Variants in LEMD3 observed in about 807,000 individuals in gnomAD.
The protein encoded by LEMD3 is LEM domain containing 3.
Under a neutral mutation model 95.2 loss-of-function variants are expected in LEMD3, and 33 were observed. The observed-to-expected ratio is 0.35, with a 90% CI of 0.26 to 0.46. LEMD3 has a LOEUF of 0.46. Among genes scored for constraint, LEMD3 ranks in the 20% least tolerant of loss-of-function variants. The pLI is 1.00. For missense variants in LEMD3, 1,210 were observed against 1,192.8 expected (o/e 1.01, Z -0.21); for synonymous variants, 525 against 474.6 (o/e 1.11, Z -1.38).
At chr12:65,239,835 G>A in intron 6 of LEMD3, 94 bp from the exon 7 acceptor site, 1 of 827,498 alleles carries the variant, frequency 1.2e-6, no homozygotes, top group East Asian at 2.7e-5. Context: ...TGTCTTGAAG[G>A]TTCATTCCGT....
At chr12:65,186,183 A>C (rs1224243986) in intron 1 of LEMD3, among the ~76,000 whole-genome samples, 1 of 152,078 alleles carries the variant, frequency 6.6e-6, no homozygotes, top group Admixed American at 6.6e-5. Context: ...CTAAGTCATA[A>C]ACTTTGGAGC....
chr12:65,238,516 A>G lies in LEMD3; in HGVS notation c.1710A>G (p.Glu570=). The change falls in exon 5 of 13, where the codon GAA becomes GAG. Residue 570 remains glutamate, a synonymous_variant. Transcript: ENST00000308330. ...AAAYLKDLGP[E]YEGIFNTSLQ... The stretch of plus-strand genomic sequence containing the variant: ...TTTCTTGTTAGGATTTAGGTCCTGA[A>G]TATGAAGGTATATTTAACACTTCAT... The G allele has an allele frequency of 6.2e-7, 1 of 1,600,272 alleles. No homozygotes were observed. The highest frequency in any genetic ancestry group is 2.2e-5 in the East Asian group (1 of 44,768).
chr12:65,170,100 C>T lies in LEMD3; in HGVS notation c.504C>T (p.Arg168=). 1.4e-6 allele frequency: 2 copies of T among 1,468,340 alleles called. No individual in the cohort carries two copies. The allele number at this position is 1,468,340 out of a possible 1,614,324, so 91.0% of individuals were successfully genotyped here. ...AAGACCGGGCTTCGCTCCAGTACCG[C>T]GGGCTCAAAGCGCCGCCGGCGCCCC... ...GRKDRASLQY[R]GLKAPPAPLA... The change falls in exon 1 of 13, where the codon CGC becomes CGT. Residue 168 remains arginine (R), a synonymous_variant. Coordinates refer to ENST00000308330, the MANE Select transcript of LEMD3 (RefSeq NM_014319.5).
At chr12:65,187,132 A>G (rs992786617) in intron 1 of LEMD3, among the ~76,000 whole-genome samples, 1 of 152,106 alleles carries the variant, frequency 6.6e-6, no homozygotes, top group Non-Finnish European at 1.5e-5. Context: ...GCCATATAAG[A>G]TCATCTTAGG....
intron 1 of LEMD3, among the ~76,000 whole-genome samples, chr12:65,207,293 C>G (rs1335418348): frequency 6.6e-6 from 1 of 151,992 alleles, no homozygotes; most frequent in East Asian, 1.9e-4. Context: ...TCTATTTGTT[C>G]AGCATGTGCA....
rs952116363 is a variant in LEMD3, at chr12:65,203,269, C to T, written c.1523-7657C>T. Among the ~76,000 whole-genome samples, 9 of 137,876 alleles carry T rather than the reference C, an allele frequency of 6.5e-5. No individual in the cohort carries two copies. The South Asian group carries it at 9.5e-4, about 15-fold the overall frequency. 90.5% of individuals were successfully genotyped at this position (137,876 alleles called of 152,430 possible). ...GTATGAATAACTCCCACATGCTTAG[C>T]GTTCCAATAATGGAACACTAGACAT... On this transcript the variant is annotated intron_variant, in intron 1 of 12. Coordinates refer to ENST00000308330, the MANE Select transcript of LEMD3 (RefSeq NM_014319.5).
chr12:65,224,988 T>G (rs1275504349), intron 4 of LEMD3, among the ~76,000 whole-genome samples: 1 of 152,196 alleles, frequency 6.6e-6, no homozygotes, highest in African/African-American at 2.4e-5. Context: ...CTTTTGAGTT[T>G]GCTGATTCTT....
intron 8 of LEMD3, 55 bp from the exon 9 acceptor site, chr12:65,240,854 C>T: frequency 6.6e-7 from 1 of 1,506,940 alleles, no homozygotes; most frequent in East Asian, 2.3e-5. Flanking sequence ...ACTAATATTT[C>T]AAAAAGATGA....
At chr12:65,186,120 C>A (rs1278113612) in intron 1 of LEMD3, among the ~76,000 whole-genome samples, 1 of 152,052 alleles carries the variant, frequency 6.6e-6, no homozygotes, top group Non-Finnish European at 1.5e-5. Context: ...TACAAAACAT[C>A]CTATTTTACA....
At chr12:65,216,811 T>C (rs1870125010) in intron 3 of LEMD3, among the ~76,000 whole-genome samples, 1 of 152,192 alleles carries the variant, frequency 6.6e-6, no homozygotes, top group African/African-American at 2.4e-5. Context: ...GTATTTAGGA[T>C]CCTGACAGTT....
chr12:65,218,516 A>G (rs774897907), intron 3 of LEMD3, 36 bp from the exon 4 acceptor site: 15 of 1,305,682 alleles, frequency 1.1e-5, no homozygotes, highest in Non-Finnish European at 1.5e-5. Flanking sequence ...TTAAGAGAGT[A>G]CTGATTCAAA....
At chr12:65,186,396 T>A (rs1186149073) in intron 1 of LEMD3, among the ~76,000 whole-genome samples, 1 of 152,088 alleles carries the variant, frequency 6.6e-6, no homozygotes, top group Non-Finnish European at 1.5e-5. Context: ...TAATACAAAA[T>A]AGCTATAAAT....
chr12:65,194,362 A>ATTC (rs1232944907), intron 1 of LEMD3, among the ~76,000 whole-genome samples: 1 of 152,012 alleles, frequency 6.6e-6, no homozygotes, highest in Non-Finnish European at 1.5e-5. Flanking sequence ...CTGGAGTTTT[A>ATTC]TTACTTCTCG....
At chr12:65,243,573 C>G in intron 10 of LEMD3, 104 bp downstream of exon 10, 2 of 767,622 alleles carry the variant, frequency 2.6e-6, no homozygotes, top group South Asian at 2.8e-5. Context: ...AAATGTTTTT[C>G]TTCTGAATCT....
intron 1 of LEMD3, among the ~76,000 whole-genome samples, chr12:65,184,969 T>C (rs543481662): frequency 7.6e-4 from 115 of 152,240 alleles, no homozygotes; most frequent in African/African-American, 2.6e-3. Flanking sequence ...ATTCCCTCAA[T>C]TCAGATACTT....
chr12:65,211,168 G>A (rs1489837163), intron 2 of LEMD3, among the ~76,000 whole-genome samples: 1 of 152,186 alleles, frequency 6.6e-6, no homozygotes, highest in African/African-American at 2.4e-5. Context: ...CCTAACTGTC[G>A]TATAATTAAA....
intron 12 of LEMD3, 100 bp downstream of exon 12, chr12:65,246,039 T>C: frequency 7.8e-7 from 1 of 1,275,858 alleles, no homozygotes; most frequent in Non-Finnish European, 1.1e-6. Context: ...TAGCATTTTT[T>C]TGAGTAATAA....
At chr12:65,227,441 T>G (rs1477418768) in intron 4 of LEMD3, among the ~76,000 whole-genome samples, 1 of 152,168 alleles carries the variant, frequency 6.6e-6, no homozygotes, top group Non-Finnish European at 1.5e-5. Flanking sequence ...GAAATAGGAT[T>G]AATTCTTCCT....
At chr12:65,238,356 C>A in intron 4 of LEMD3, 146 bp from the exon 5 acceptor site, 1 of 599,658 alleles carries the variant, frequency 1.7e-6, no homozygotes, top group African/African-American at 1.9e-5. Flanking sequence ...TTTCTTTTTT[C>A]TCATTCTTTT....
Sources: allele counts gnomAD v4.1 joint callset (sites outside exome capture counted in the v4.1 genomes callset), GRCh38; gene constraint gnomAD v4.1.1; transcripts MANE v1.5; gene names NCBI Gene and HGNC (gene_info 2026-07-23, HGNC 2026-07-21).